RFX3: variants seen among roughly 807,000 people sequenced by gnomAD.
RFX3 encodes the protein regulatory factor X3, also known as transcription factor RFX3.
A neutral mutation model predicts 98.6 loss-of-function variants in RFX3; 14 were observed. The observed-to-expected ratio is 0.14, with a 90% CI of 0.09 to 0.22. The LOEUF is 0.22. Among genes scored for constraint, RFX3 ranks in the 10% least tolerant of loss-of-function variants. The pLI, the probability that RFX3 is intolerant of heterozygous loss-of-function variation, is 1.00. For missense variants in RFX3, 639 were observed against 926.9 expected (o/e 0.69, Z 4.03); for synonymous variants, 383 against 328.4 (o/e 1.17, Z -1.80).
At position 3,288,343 on chromosome 9, in the gene RFX3, T is replaced by C. The variant is rs1213460155; in HGVS notation, c.732-93A>G. ...CCATTAAACTTCACACTTGGAAAAA[T>C]TTGGTAAAAACAGTAAGTTAATGTT... On this transcript the variant is annotated intron_variant, in intron 6 of 16. Transcript: ENST00000617270. The C allele has an allele frequency of 4.2e-6, 5 of 1,189,030 alleles. No individual in the cohort carries two copies. In the African/African-American group the frequency reaches 7.6e-5, roughly 18 times the overall value. The allele number at this position is 1,189,030 out of a possible 1,614,324, so 73.7% of individuals were successfully genotyped here.
chr9:3,335,967 TTTTC>T (rs1833130125), intron 3 of RFX3, among the ~76,000 whole-genome samples: 1 of 152,158 alleles, frequency 6.6e-6, no homozygotes, highest in African/African-American at 2.4e-5. Context: ...TTTTTTTCTG[TTTTC>T]TTTATCTTCA....
At chr9:3,407,742 T>C (rs1483291627) in intron 1 of RFX3, among the ~76,000 whole-genome samples, 1 of 152,172 alleles carries the variant, frequency 6.6e-6, no homozygotes, top group South Asian at 2.1e-4. Context: ...CCGTGATAGA[T>C]CATCCTCTAA....
At chr9:3,452,325 T>C in intron 1 of RFX3, 1 of 287,172 alleles carries the variant, frequency 3.5e-6, no homozygotes, top group Non-Finnish European at 7.5e-6. Flanking sequence ...GCACATTGGC[T>C]CATGCCTGTA....
chr9:3,394,402 G>A (rs1376076080), intron 2 of RFX3, among the ~76,000 whole-genome samples: 16 of 152,190 alleles, frequency 1.1e-4, no homozygotes. Flanking sequence ...GGCAGAGCTT[G>A]CGGTGAGCCG....
intron 1 of RFX3, among the ~76,000 whole-genome samples, chr9:3,484,764 A>T (rs1027997770): frequency 1.3e-5 from 2 of 152,180 alleles, no homozygotes; most frequent in Admixed American, 1.3e-4. Context: ...TGCCTACCAC[A>T]GAATATAGTA....
chr9:3,350,357 G>T (rs1353056850), intron 2 of RFX3, among the ~76,000 whole-genome samples: 1 of 152,080 alleles, frequency 6.6e-6, no homozygotes, highest in Non-Finnish European at 1.5e-5. Context: ...CCCATCATAA[G>T]ATACCAAAAT....
chr9:3,346,153 A>T (rs1418905742), intron 3 of RFX3, among the ~76,000 whole-genome samples: 4 of 152,200 alleles, frequency 2.6e-5, no homozygotes, highest in Non-Finnish European at 5.9e-5. Flanking sequence ...GTTGATGCAA[A>T]AGAGATAAGC....
intron 2 of RFX3, among the ~76,000 whole-genome samples, chr9:3,372,438 T>G (rs1416723927): frequency 6.6e-6 from 1 of 152,176 alleles, no homozygotes; most frequent in African/African-American, 2.4e-5. Flanking sequence ...AATAAACTAC[T>G]TGTACTTAAA....
intron 1 of RFX3, among the ~76,000 whole-genome samples, chr9:3,421,269 G>T (rs535400628): frequency 6.6e-6 from 1 of 152,046 alleles, no homozygotes; most frequent in Non-Finnish European, 1.5e-5. Flanking sequence ...TTGAGGAGCC[G>T]GTCAAAACCA....
chr9:3,440,377 T>C (rs1845511834), intron 1 of RFX3, among the ~76,000 whole-genome samples: 1 of 152,064 alleles, frequency 6.6e-6, no homozygotes, highest in Non-Finnish European at 1.5e-5. Context: ...CTACAAGAAC[T>C]AGTGAGTTTA....
At chr9:3,491,230 G>T (rs2133503401) in intron 1 of RFX3, among the ~76,000 whole-genome samples, 1 of 152,174 alleles carries the variant, frequency 6.6e-6, no homozygotes, top group African/African-American at 2.4e-5. Context: ...AAGAAGACAG[G>T]ACAAGGATCA....
chr9:3,301,116 G>T (rs1309233768), intron 5 of RFX3, among the ~76,000 whole-genome samples: 1 of 151,688 alleles, frequency 6.6e-6, no homozygotes, highest in African/African-American at 2.4e-5. Context: ...GTTTATCATT[G>T]GATTTCACAT....
At chr9:3,507,944 G>C (rs1817266375) in intron 1 of RFX3, among the ~76,000 whole-genome samples, 2 of 150,958 alleles carry the variant, frequency 1.3e-5, no homozygotes, top group African/African-American at 4.9e-5. Context: ...TTTGAAAATG[G>C]ACATGAGACT....
Position 3,223,890 on chromosome 9 carries a change from C to T in RFX3, c.*1152G>A, listed in dbSNP as rs974629288. The T allele has an allele frequency of 2.0e-5, 3 of 152,190 alleles. No individual in the cohort carries two copies. In the East Asian group the frequency reaches 5.8e-4, roughly 29 times the overall value. 9.4% of individuals were successfully genotyped at this position (152,190 alleles called of 1,614,324 possible). A position where few individuals can be genotyped will look rare whatever the true frequency, so the allele number is the denominator to read the frequency against. ...GGCAATGGTCCATCCAGCCACCTAT[C>T]CAAATCCTACAGAATTGGGGATAAG... is the stretch of plus-strand genomic sequence containing the variant. On this transcript the variant is annotated 3_prime_UTR_variant, in exon 17 of 17. Coordinates refer to ENST00000617270, the MANE Select transcript of RFX3 (RefSeq NM_001282116.2).
At chr9:3,303,835 G>T (rs7033352) in intron 4 of RFX3, among the ~76,000 whole-genome samples, 11,543 of 152,024 alleles carry the variant, frequency 0.076, 1,417 homozygotes, top group African/African-American at 0.26. Flanking sequence ...CCCAGGAACA[G>T]ATACACTGAC....
At chr9:3,398,353 C>T (rs894177139) in intron 1 of RFX3, among the ~76,000 whole-genome samples, 2 of 151,678 alleles carry the variant, frequency 1.3e-5, no homozygotes, top group African/African-American at 4.8e-5. Flanking sequence ...AAAAAAAAAT[C>T]CCTAAAAAAG....
At chr9:3,385,727 A>C (rs1405991160) in intron 2 of RFX3, among the ~76,000 whole-genome samples, 1 of 147,848 alleles carries the variant, frequency 6.8e-6, no homozygotes, top group Non-Finnish European at 1.5e-5. Context: ...AAAGAAAAGA[A>C]AACTCCTTGC....
intron 4 of RFX3, among the ~76,000 whole-genome samples, chr9:3,323,442 G>A (rs1359769163): frequency 6.6e-6 from 1 of 152,140 alleles, no homozygotes; most frequent in Non-Finnish European, 1.5e-5. Context: ...GAAGCATTAA[G>A]TTGGTGGAGT....
chr9:3,444,418 A>G (rs1177029479), intron 1 of RFX3, among the ~76,000 whole-genome samples: 1 of 152,114 alleles, frequency 6.6e-6, no homozygotes, highest in African/African-American at 2.4e-5. Flanking sequence ...GGAGGGATAG[A>G]TCTTGGTGGG....
Sources: gnomAD v4.1 joint callset for allele counts (sites outside exome capture counted in the v4.1 genomes callset) on GRCh38, gnomAD v4.1.1 for gene constraint, MANE v1.5 for transcripts, NCBI Gene and HGNC (gene_info 2026-07-23, HGNC 2026-07-21) for gene names.